Variants in CARS1 observed in about 807,000 individuals in gnomAD.
CARS1 encodes the protein cysteinyl-tRNA synthetase 1, also known as cysteine--tRNA ligase, cytoplasmic.
A neutral mutation model predicts 106.2 loss-of-function variants in CARS1; 48 were observed. The observed-to-expected ratio is 0.45, with a 90% CI of 0.36 to 0.57. The LOEUF (loss-of-function observed/expected upper bound fraction) is 0.57, where lower values mean the gene tolerates loss of function less well. Among genes scored for constraint, CARS1 ranks in the 20% least tolerant of loss-of-function variants. The pLI is 0.00. For missense variants in CARS1, 968 were observed against 1,057.2 expected, an observed-to-expected ratio of 0.92 and a Z score of 1.17; for synonymous variants, 409 against 403.4, an observed-to-expected ratio of 1.01 and a Z score of -0.17.
chr11:3,040,874 G>T lies in CARS1; in HGVS notation c.455+22C>A, dbSNP rs1334153304. 3.1e-6 allele frequency: 5 copies of T among 1,610,016 alleles called. No individual in the cohort carries two copies. The South Asian group carries it at 5.5e-5, about 18-fold the overall frequency. ...CTGCGTGCAACTGCAGAAGCTGCAG[G>T]GACACCCCGCGGTGGACCTACCTGG... On this transcript the variant is annotated intron_variant, in intron 4 of 22. Coordinates refer to ENST00000380525, the MANE Select transcript of CARS1 (RefSeq NM_001014437.3). The surrounding 1 kb of genome is among the most constrained non-coding windows in gnomAD (Gnocchi z 5.8).
In CARS1 at chr11:3,006,759, C is replaced by T. The variant is rs569789351; in HGVS notation, c.2149+120G>A. ...CGCCGGGGGACCCATGGGGCTGCCA[C>T]TTTGGGATTCTGCATCAGCAATCAT... On this transcript the variant is annotated intron_variant, in intron 19 of 22. Transcript: ENST00000380525. 3 of 862,874 alleles carry T rather than the reference C, an allele frequency of 3.5e-6. No individual in the cohort carries two copies. In the South Asian group the frequency reaches 4.3e-5, roughly 12 times the overall value. 53.5% of individuals were successfully genotyped at this position (862,874 alleles called of 1,614,324 possible).
rs1189678015 is a variant in CARS1 at position 3,038,277 on chromosome 11, A to G, written c.652-78T>C. The stretch of plus-strand genomic sequence containing the variant: ...AATTCATAAAGGTGATTCCAGGTAG[A>G]AAACAGAACGGTTTTTCCCATGGCC... On this transcript the variant is annotated intron_variant, in intron 6 of 22. Transcript: ENST00000380525. The surrounding 1 kb of genome is among the most constrained non-coding windows in gnomAD (Gnocchi z 4.0). 10 of 1,384,188 alleles carry G rather than the reference A, an allele frequency of 7.2e-6. No homozygotes were observed. In the East Asian group the frequency reaches 2.1e-4, roughly 29 times the overall value. 85.7% of individuals were successfully genotyped at this position (1,384,188 alleles called of 1,614,324 possible). A position where few individuals can be genotyped will look rare whatever the true frequency, so the allele number is the denominator to read the frequency against.
At chr11:3,026,422 G>A (rs896685111) in intron 10 of CARS1, among the ~76,000 whole-genome samples, 7 of 152,206 alleles carry the variant, frequency 4.6e-5, no homozygotes, top group Non-Finnish European at 8.8e-5. Context: ...CACACGGTGT[G>A]CATGTATTAA....
Position 3,037,376 on chromosome 11 carries a change from C to G in CARS1, c.801+674G>C, listed in dbSNP as rs1323203625. Among the ~76,000 whole-genome samples the G allele has an allele frequency of 2.0e-5, 3 of 152,230 alleles. No homozygotes were observed. In the East Asian group the frequency reaches 5.8e-4, roughly 29 times the overall value. ...AGGGCAGTGGTGAGGGAAGGCAGGG[C>G]TGCGGCCTCAGTGGGGCCTCTTTTT... On this transcript the variant is annotated intron_variant, in intron 7 of 22. Coordinates refer to ENST00000380525, the MANE Select transcript of CARS1 (RefSeq NM_001014437.3). This position sits in a 1 kb window ranked among gnomAD's most constrained non-coding sequence, Gnocchi z 5.9.
intron 21 of CARS1, 182 bp downstream of exon 21, chr11:3,002,359 C>G: frequency 8.4e-7 from 1 of 1,189,714 alleles, no homozygotes; most frequent in Non-Finnish European, 1.2e-6. Flanking sequence ...CCAGGCCTTC[C>G]CTGCACCCCA....
Position 3,006,980 on chromosome 11 carries a change from T to C in CARS1, c.2069-21A>G, listed in dbSNP as rs202060346. 3.1e-6 allele frequency: 5 copies of C among 1,604,624 alleles called. No individual in the cohort carries two copies. The East Asian group carries it at 1.1e-4, about 36-fold the overall frequency. On this transcript the variant is annotated intron_variant, in intron 18 of 22. Coordinates refer to ENST00000380525, the MANE Select transcript of CARS1 (RefSeq NM_001014437.3). ...AGGGACTGTAGGAGAAGCAGAGCAG[T>C]TCCCTCAGACATGGAGGAGCCAGGG...
At chr11:3,031,195 G>A (rs1852717174) in intron 7 of CARS1, 1 of 152,200 alleles carries the variant, frequency 6.6e-6, no homozygotes, top group Non-Finnish European at 1.5e-5. Context: ...CAATGTCTTT[G>A]TGAAATAGCA....
In CARS1 at chr11:3,021,850, T is replaced by C. The variant is rs558953466; in HGVS notation, c.1154-1518A>G. ...AATTCCGCAAAAGCACAATGTGATATGGCCCATGACATTCGCTTTTAGATG... is the reference window on the plus strand; with the variant it reads ...AATTCCGCAAAAGCACAATGTGATACGGCCCATGACATTCGCTTTTAGATG... On this transcript the variant is annotated intron_variant, in intron 10 of 22. Transcript: ENST00000380525. The surrounding 1 kb of genome is among the most constrained non-coding windows in gnomAD (Gnocchi z 5.3). Among the ~76,000 whole-genome samples, 4 of 152,370 alleles carry C rather than the reference T, an allele frequency of 2.6e-5. No homozygotes were observed. Among genetic ancestry groups the C allele is most frequent in the Admixed American group, 6.5e-5 (1 of 15,306 alleles).
In CARS1 at chr11:3,019,034, A is replaced by G. The variant is rs1269395338; in HGVS notation, c.1395+105T>C. Reference sequence around the variant, plus strand: ...CCCACAAGCCCCGATGAAGGTGTCAAGTTCTAGTGAGAGAGGCCCTTCTGA... The same window carrying G: ...CCCACAAGCCCCGATGAAGGTGTCAGGTTCTAGTGAGAGAGGCCCTTCTGA... On this transcript the variant is annotated intron_variant, in intron 12 of 22. Transcript: ENST00000380525. This position sits in a 1 kb window ranked among gnomAD's most constrained non-coding sequence, Gnocchi z 6.2. 3.8e-6 allele frequency: 5 copies of G among 1,314,904 alleles called. No individual in the cohort carries two copies. The African/African-American group carries it at 4.4e-5, about 12-fold the overall frequency. 81.5% of individuals were successfully genotyped at this position (1,314,904 alleles called of 1,614,324 possible). A position where few individuals can be genotyped will look rare whatever the true frequency, so the allele number is the denominator to read the frequency against.
intron 10 of CARS1, among the ~76,000 whole-genome samples, chr11:3,023,295 T>C (rs1851744449): frequency 6.6e-6 from 1 of 152,310 alleles, no homozygotes; most frequent in South Asian, 2.1e-4. Flanking sequence ...TCAAATGCAG[T>C]GCGAGTTGTT....
At chr11:3,025,570 T>C (rs1851969319) in intron 10 of CARS1, among the ~76,000 whole-genome samples, 1 of 152,236 alleles carries the variant, frequency 6.6e-6, no homozygotes, top group South Asian at 2.1e-4. Flanking sequence ...TAAAATTAGA[T>C]AAAAGTATGA....
Position 3,028,596 on chromosome 11 carries a change from G to T in CARS1, c.1031+400C>A. On this transcript the variant is annotated intron_variant, in intron 9 of 22. Transcript: ENST00000380525. The surrounding 1 kb of genome is among the most constrained non-coding windows in gnomAD (Gnocchi z 4.4). Reference sequence around the variant, plus strand: ...AAAAAGTCACTAAAATCATAGCCAAGCGATAGATGCTGATGAAATGCATCC... The same window carrying T: ...AAAAAGTCACTAAAATCATAGCCAATCGATAGATGCTGATGAAATGCATCC... 1 of 272,012 alleles carries T rather than the reference G, an allele frequency of 3.7e-6. No individual in the cohort carries two copies. Among genetic ancestry groups the T allele is most frequent in the Non-Finnish European group, 6.8e-6 (1 of 146,628 alleles). The allele number at this position is 272,012 out of a possible 1,614,324, so 16.8% of individuals were successfully genotyped here.
At chr11:3,012,073 C>T (rs545655491) in intron 18 of CARS1, 122 bp downstream of exon 18, 32 of 882,766 alleles carry the variant, frequency 3.6e-5, no homozygotes, top group Middle Eastern at 3.0e-4. Flanking sequence ...CTGTGGTGCA[C>T]GGGGCAGCCT....
rs184596630 is a variant in CARS1 at position 3,028,310 on chromosome 11, G to A, written c.1031+686C>T. On this transcript the variant is annotated intron_variant, in intron 9 of 22. Transcript: ENST00000380525. The surrounding 1 kb of genome is among the most constrained non-coding windows in gnomAD (Gnocchi z 4.4). ...AGCCTGGCATTCGGGGCCACTACCG[G>A]TCTCCGCGTCTTGGTGGTAGTGGTC... The A allele has an allele frequency of 7.5e-6, 4 of 534,732 alleles. No homozygotes were observed. The highest frequency in any genetic ancestry group is 6.0e-5 in the African/African-American group (3 of 50,232). The allele number at this position is 534,732 out of a possible 1,614,324, so 33.1% of individuals were successfully genotyped here.
rs1032861158 is a variant in CARS1 at position 3,022,391 on chromosome 11, C to A, written c.1154-2059G>T. Among the ~76,000 whole-genome samples, 1 of 152,122 alleles carries A rather than the reference C, an allele frequency of 6.6e-6. No individual in the cohort carries two copies. The highest frequency in any genetic ancestry group is 1.5e-5 in the Non-Finnish European group (1 of 68,032). ...TCACTTCCCCAGCAACCGGCAATCCCCATCACCTGTCCAGAGCAATTAAAA... is the reference window on the plus strand; with the variant it reads ...TCACTTCCCCAGCAACCGGCAATCCACATCACCTGTCCAGAGCAATTAAAA... On this transcript the variant is annotated intron_variant, in intron 10 of 22. Coordinates refer to ENST00000380525, the MANE Select transcript of CARS1 (RefSeq NM_001014437.3). The surrounding 1 kb of genome is among the most constrained non-coding windows in gnomAD (Gnocchi z 4.9).
At position 3,006,961 on chromosome 11, in the gene CARS1, T is replaced by C. The variant is rs768025454; in HGVS notation, c.2069-2A>G. The C allele has an allele frequency of 1.2e-6, 2 of 1,613,372 alleles. No individual in the cohort carries two copies. Among genetic ancestry groups the C allele is most frequent in the Non-Finnish European group, 1.7e-6 (2 of 1,179,506 alleles). On this transcript the variant is annotated splice_acceptor_variant, in intron 18 of 22. Coordinates refer to ENST00000380525, the MANE Select transcript of CARS1 (RefSeq NM_001014437.3). LOFTEE classifies it high-confidence loss of function. ...CGCTGAGCTGCAGAATCTCAGGGAC[T>C]GTAGGAGAAGCAGAGCAGTTCCCTC...
Position 3,039,716 on chromosome 11 carries a change from T to A in CARS1, c.552+119A>T, listed in dbSNP as rs996878903. The A allele has an allele frequency of 8.6e-6, 5 of 580,200 alleles. No homozygotes were observed. In the Admixed American group the frequency reaches 1.8e-4, roughly 21 times the overall value. 35.9% of individuals were successfully genotyped at this position (580,200 alleles called of 1,614,324 possible). On this transcript the variant is annotated intron_variant, in intron 5 of 22. Coordinates refer to ENST00000380525, the MANE Select transcript of CARS1 (RefSeq NM_001014437.3). This position sits in a 1 kb window ranked among gnomAD's most constrained non-coding sequence, Gnocchi z 5.6. ...TAACTCACTGAGGGGATTAAAATGATGTTTATCAGGTGAAAACACAAGCTA... is the reference window on the plus strand; with the variant it reads ...TAACTCACTGAGGGGATTAAAATGAAGTTTATCAGGTGAAAACACAAGCTA...
rs985350958 is a variant in CARS1 at position 3,022,682 on chromosome 11, G to C, written c.1154-2350C>G. 1.3e-5 allele frequency among the ~76,000 whole-genome samples: 2 copies of C among 152,196 alleles called. No individual in the cohort carries two copies. The highest frequency in any genetic ancestry group is 6.5e-5 in the Admixed American group (1 of 15,280). On this transcript the variant is annotated intron_variant, in intron 10 of 22. Coordinates refer to ENST00000380525, the MANE Select transcript of CARS1 (RefSeq NM_001014437.3). This position sits in a 1 kb window ranked among gnomAD's most constrained non-coding sequence, Gnocchi z 4.9. ...AGCATGTTCATACCAGCACAACAGGGTCCTGTTCTCTCCCACTGGGGGAGC... is the reference window on the plus strand; with the variant it reads ...AGCATGTTCATACCAGCACAACAGGCTCCTGTTCTCTCCCACTGGGGGAGC...
chr11:3,018,984 C>T (rs1430183013), intron 12 of CARS1, among the ~76,000 whole-genome samples, 155 bp downstream of exon 12: 1 of 152,216 alleles, frequency 6.6e-6, no homozygotes, highest in Admixed American at 6.5e-5. Flanking sequence ...GGAAACCACA[C>T]TAAATGATCA....
Sources: allele counts gnomAD v4.1 joint callset (sites outside exome capture counted in the v4.1 genomes callset), GRCh38; gene constraint gnomAD v4.1.1; non-coding constraint Gnocchi (gnomAD v3.1); transcripts MANE v1.5; gene names NCBI Gene and HGNC (gene_info 2026-07-23, HGNC 2026-07-21).